Variants in TMOD3 observed in about 807,000 individuals in gnomAD.
TMOD3 encodes the protein tropomodulin-3.
In TMOD3, 20 loss-of-function variants were observed where a neutral mutation model predicts 39.2. The observed-to-expected ratio is 0.51, with a 90% confidence interval of 0.36 to 0.74. The LOEUF is 0.74. TMOD3 is among the 30% of genes least tolerant of loss of function. The pLI, the probability that TMOD3 is intolerant of heterozygous loss-of-function variation, is 0.00. For synonymous variants in TMOD3, 143 were observed against 145.8 expected (o/e 0.98, Z 0.14); for missense variants, 381 against 412.8 (o/e 0.92, Z 0.67).
chr15:51,868,348 A>G (rs554351138), intron 2 of TMOD3, among the ~76,000 whole-genome samples: 1 of 152,298 alleles, frequency 6.6e-6, no homozygotes, highest in African/African-American at 2.4e-5. Flanking sequence ...TGCAGGTTTC[A>G]TTACGTAGGT....
At chr15:51,850,008 G>T (rs1162631254) in intron 1 of TMOD3, among the ~76,000 whole-genome samples, 3 of 152,050 alleles carry the variant, frequency 2.0e-5, no homozygotes, top group Admixed American at 6.6e-5. Flanking sequence ...GATCAGTTTG[G>T]GTGGAGTGAG....
At chr15:51,875,268 A>G (rs2056496244) in intron 3 of TMOD3, 1 of 152,228 alleles carries the variant, frequency 6.6e-6, no homozygotes, top group Non-Finnish European at 1.5e-5. Flanking sequence ...GCTAAGTCCA[A>G]AGGTAAAAAC....
rs545720963 is a variant in TMOD3, at chr15:51,852,138, T to G, written c.-74-10673T>G. On this transcript the variant is annotated intron_variant, in intron 1 of 9. Coordinates refer to ENST00000308580, the MANE Select transcript of TMOD3 (RefSeq NM_014547.5). ...CTGTCTTGTATACTGCTTATGCCTG[T>G]TGTCTAGAACAAGTAATTCATGGCG... Among the ~76,000 whole-genome samples the G allele has an allele frequency of 1.1e-3, 172 of 152,328 alleles. 2 individuals carry two copies. The highest frequency in any genetic ancestry group is 4.0e-3 in the African/African-American group (165 of 41,570).
chr15:51,873,060 C>G (rs2141691648), intron 3 of TMOD3, among the ~76,000 whole-genome samples: 1 of 152,280 alleles, frequency 6.6e-6, no homozygotes, highest in South Asian at 2.1e-4. Context: ...AAAAAGCCAC[C>G]TCTAATGTTC....
intron 5 of TMOD3, among the ~76,000 whole-genome samples, chr15:51,891,568 A>G (rs1471728619): frequency 6.6e-6 from 1 of 151,788 alleles, no homozygotes. Flanking sequence ...TTTCCCATGA[A>G]CCTTTTGCTT....
intron 1 of TMOD3, among the ~76,000 whole-genome samples, chr15:51,845,093 T>C (rs777639851): frequency 2.6e-5 from 4 of 152,224 alleles, no homozygotes; most frequent in Non-Finnish European, 5.9e-5. Flanking sequence ...TCAGTATTTT[T>C]TTCCCCCAAG....
At chr15:51,850,113 G>A (rs769851504) in intron 1 of TMOD3, among the ~76,000 whole-genome samples, 8 of 152,170 alleles carry the variant, frequency 5.3e-5, no homozygotes, top group East Asian at 1.9e-4. Flanking sequence ...AAGTTTGGCT[G>A]TAAAGTGGAG....
intron 6 of TMOD3, 31 bp from the exon 7 acceptor site, chr15:51,896,387 TG>T (rs1278526681): frequency 2.1e-6 from 3 of 1,419,660 alleles, no homozygotes; most frequent in Admixed American, 1.9e-5. Context: ...AAAATTGAAA[TG>T]TAATGATGTT....
At chr15:51,850,218 T>A (rs2056354628) in intron 1 of TMOD3, among the ~76,000 whole-genome samples, 1 of 152,180 alleles carries the variant, frequency 6.6e-6, no homozygotes, top group African/African-American at 2.4e-5. Flanking sequence ...TGTGTGCTAA[T>A]GGGCATGGTC....
intron 9 of TMOD3, among the ~76,000 whole-genome samples, chr15:51,903,184 T>C (rs2056661883): frequency 6.6e-6 from 1 of 152,216 alleles, no homozygotes; most frequent in South Asian, 2.1e-4. Flanking sequence ...AGGTCAGTAA[T>C]CTCTCATTCT....
intron 1 of TMOD3, among the ~76,000 whole-genome samples, chr15:51,846,147 T>G (rs2056334499): frequency 8.1e-6 from 1 of 123,174 alleles, no homozygotes; most frequent in African/African-American, 3.0e-5. Context: ...AAAACCCCAT[T>G]TCTACCAAAA....
intron 4 of TMOD3, 133 bp downstream of exon 4, chr15:51,887,844 CTT>C: frequency 8.6e-7 from 1 of 1,159,008 alleles, no homozygotes; most frequent in Non-Finnish European, 1.2e-6. Context: ...ACATATTTGG[CTT>C]TATATTTTAC....
At chr15:51,908,698 A>G in intron 9 of TMOD3, 78 bp from the exon 10 acceptor site, 1 of 1,194,824 alleles carries the variant, frequency 8.4e-7, no homozygotes, top group Middle Eastern at 2.0e-4. Context: ...TTATGCAGAA[A>G]CTTGCTTGTT....
intron 3 of TMOD3, 51 bp from the exon 4 acceptor site, chr15:51,887,538 A>C (rs776616779): frequency 6.4e-7 from 1 of 1,571,924 alleles, no homozygotes; most frequent in African/African-American, 1.4e-5. Flanking sequence ...ATAAAATGGT[A>C]ATGAGTTGAT....
chr15:51,835,251 A>G (rs904755473), intron 1 of TMOD3, among the ~76,000 whole-genome samples: 6 of 152,206 alleles, frequency 3.9e-5, no homozygotes, highest in African/African-American at 9.6e-5. Flanking sequence ...TATTGGCTTG[A>G]TCTAAATAGA....
Position 51,910,761 on chromosome 15 carries a change from G to A in TMOD3, c.*1951G>A, listed in dbSNP as rs1313813428. On this transcript the variant is annotated 3_prime_UTR_variant, in exon 10 of 10. Coordinates refer to ENST00000308580, the MANE Select transcript of TMOD3 (RefSeq NM_014547.5). ...TTTCTCTTTTTTTTTTTTTGTTTTG[G>A]TTTGTTTTGGTTTTTTGGTTTTGTT... is the stretch of plus-strand genomic sequence containing the variant. 1.3e-5 allele frequency: 2 copies of A among 149,916 alleles called. No homozygotes were observed. The highest frequency in any genetic ancestry group is 4.9e-5 in the African/African-American group (2 of 40,860). 9.3% of individuals were successfully genotyped at this position (149,916 alleles called of 1,614,324 possible). A position where few individuals can be genotyped will look rare whatever the true frequency, so the allele number is the denominator to read the frequency against.
At chr15:51,888,965 C>A in intron 4 of TMOD3, 91 bp from the exon 5 acceptor site, 1 of 763,738 alleles carries the variant, frequency 1.3e-6, no homozygotes, top group Non-Finnish European at 2.2e-6. Context: ...AGGAAAAGGT[C>A]CAGAGGATAT....
intron 1 of TMOD3, chr15:51,860,815 G>T: frequency 2.7e-6 from 1 of 363,996 alleles, no homozygotes; most frequent in Non-Finnish European, 5.3e-6. Flanking sequence ...AGGCGCCTGT[G>T]GTCCCAGCCA....
rs1291929022 is a variant in TMOD3 at position 51,912,339 on chromosome 15, A to C, written c.*3529A>C. 1 of 151,990 alleles carries C rather than the reference A, an allele frequency of 6.6e-6. No homozygotes were observed. The highest frequency in any genetic ancestry group is 1.9e-4 in the East Asian group (1 of 5,176). The allele number at this position is 151,990 out of a possible 1,614,324, so 9.4% of individuals were successfully genotyped here. On this transcript the variant is annotated 3_prime_UTR_variant, in exon 10 of 10. Transcript: ENST00000308580. The stretch of plus-strand genomic sequence containing the variant: ...CTACTCGGGAGGCTGAGGCAGGAGA[A>C]TCACTAGAACTCGGGAGGCGGAGGT...
Sources: allele counts gnomAD v4.1 joint callset (sites outside exome capture counted in the v4.1 genomes callset), GRCh38; gene constraint gnomAD v4.1.1; transcripts MANE v1.5; gene names NCBI Gene and HGNC (gene_info 2026-07-23, HGNC 2026-07-21).